The following MSH3 variants were observed in gnomAD, a reference collection of about 807,000 sequenced individuals.
The protein encoded by MSH3 is mutS homolog 3, also known as DNA mismatch repair protein Msh3.
A neutral mutation model predicts 123.3 loss-of-function variants in MSH3; 106 were observed. That is an observed-to-expected ratio of 0.86 (90% CI 0.73 to 1.01). MSH3 has a LOEUF of 1.01. Among genes scored for constraint, MSH3 ranks in the 50% least tolerant of loss-of-function variants. The pLI, the probability that MSH3 is intolerant of heterozygous loss-of-function variation, is 0.00. For missense variants in MSH3, 1,459 were observed against 1,347.6 expected (o/e 1.08, Z -1.29); for synonymous variants, 515 against 481.4 (o/e 1.07, Z -0.91).
At chr5:80,869,835 T>TACATAC (rs1746176836) in intron 22 of MSH3, among the ~76,000 whole-genome samples, 1 of 37,002 alleles carries the variant, frequency 2.7e-5, no homozygotes, top group Admixed American at 3.4e-4. Context: ...CATATATACA[T>TACATAC]ATATATACAC....
chr5:80,717,150 A>G (rs6151709), intron 8 of MSH3, among the ~76,000 whole-genome samples: 52,746 of 152,078 alleles, frequency 0.35, 9,205 homozygotes, highest in Non-Finnish European at 0.37. Flanking sequence ...GGCTGTTGAG[A>G]ATAGTGCTGC....
At chr5:80,773,218 A>G (rs1744241958) in intron 15 of MSH3, among the ~76,000 whole-genome samples, 1 of 152,220 alleles carries the variant, frequency 6.6e-6, no homozygotes, top group Admixed American at 6.5e-5. Context: ...TGCCTTTAGC[A>G]TAGCTCTTTC....
chr5:80,824,313 GGCGGAGGCGC>G lies in MSH3; in HGVS notation c.2813+10573_2813+10582del, dbSNP rs1745252873. On this transcript the variant is annotated intron_variant, in intron 20 of 23. Coordinates refer to ENST00000265081, the MANE Select transcript of MSH3 (RefSeq NM_002439.5). ...CACCTCCCGGACGGGGTGGCGGCTG[GGCGGAGGCGC>G]CCCCCACCTCCCTCCCGGACGGGGC... Among the ~76,000 whole-genome samples, 4 of 152,046 alleles carry G rather than the reference GGCGGAGGCGC, an allele frequency of 2.6e-5. No individual in the cohort carries two copies. In the East Asian group the frequency reaches 7.8e-4, roughly 30 times the overall value.
intron 20 of MSH3, among the ~76,000 whole-genome samples, chr5:80,822,531 C>T (rs930260886): frequency 2.0e-5 from 3 of 152,140 alleles, no homozygotes; most frequent in Admixed American, 6.5e-5. Context: ...AACTTAGCAT[C>T]GGTTTTTGCA....
At chr5:80,784,721 CT>C (rs1744473212) in intron 17 of MSH3, among the ~76,000 whole-genome samples, 1 of 152,158 alleles carries the variant, frequency 6.6e-6, no homozygotes. Flanking sequence ...TGACTGAGGG[CT>C]GCCTGTCTGA....
intron 11 of MSH3, among the ~76,000 whole-genome samples, chr5:80,744,009 C>T (rs1743668494): frequency 1.3e-5 from 2 of 151,878 alleles, no homozygotes; most frequent in Non-Finnish European, 2.9e-5. Flanking sequence ...TTTTAAGTGG[C>T]AAAAGCAAAC....
intron 10 of MSH3, among the ~76,000 whole-genome samples, chr5:80,739,460 A>T (rs1023702818): frequency 1.3e-5 from 2 of 152,370 alleles, no homozygotes; most frequent in East Asian, 3.9e-4. Flanking sequence ...CCCTAGGAAG[A>T]TGGCAGATAT....
chr5:80,697,703 T>A (rs1750513667), intron 8 of MSH3, among the ~76,000 whole-genome samples: 1 of 152,122 alleles, frequency 6.6e-6, no homozygotes, highest in Admixed American at 6.5e-5. Context: ...GACCATTGTT[T>A]GAATGAAAAA....
chr5:80,829,124 A>C (rs1017157879), intron 20 of MSH3, among the ~76,000 whole-genome samples: 1 of 152,210 alleles, frequency 6.6e-6, no homozygotes, highest in Admixed American at 6.5e-5. Flanking sequence ...TCATCACCCA[A>C]TCACCTCTTA....
At chr5:80,660,433 C>T (rs1001636827) in intron 2 of MSH3, among the ~76,000 whole-genome samples, 2 of 152,120 alleles carry the variant, frequency 1.3e-5, no homozygotes, top group African/African-American at 4.8e-5. Context: ...CTCACTGGGT[C>T]CCTACCACAA....
At chr5:80,656,758 T>C (rs1749301294) in intron 2 of MSH3, among the ~76,000 whole-genome samples, 1 of 152,174 alleles carries the variant, frequency 6.6e-6, no homozygotes, top group Non-Finnish European at 1.5e-5. Context: ...CCCAACTTTC[T>C]CCTTTATTCC....
chr5:80,712,626 A>G (rs1387428681), intron 8 of MSH3, among the ~76,000 whole-genome samples: 2 of 152,028 alleles, frequency 1.3e-5, no homozygotes, highest in Non-Finnish European at 2.9e-5. Flanking sequence ...TCCAATCTGA[A>G]TTTAATTTTC....
intron 2 of MSH3, among the ~76,000 whole-genome samples, chr5:80,659,390 A>G (rs1345124124): frequency 6.6e-6 from 1 of 152,202 alleles, no homozygotes; most frequent in Non-Finnish European, 1.5e-5. Flanking sequence ...GCCCATTAAC[A>G]GCCACCTCCT....
chr5:80,693,610 TACAC>T (rs1300450910), intron 8 of MSH3, among the ~76,000 whole-genome samples: 1 of 129,382 alleles, frequency 7.7e-6, no homozygotes, highest in Admixed American at 8.4e-5. Context: ...CATACATATA[TACAC>T]ACACACATAT....
intron 5 of MSH3, 77 bp downstream of exon 5, chr5:80,672,437 G>A: frequency 9.2e-7 from 1 of 1,087,420 alleles, no homozygotes; most frequent in South Asian, 1.3e-5. Context: ...TTTGTAAGGT[G>A]GTAGGTAGGC....
chr5:80,820,016 G>A (rs1427168526), intron 20 of MSH3, among the ~76,000 whole-genome samples: 3 of 152,218 alleles, frequency 2.0e-5, no homozygotes, highest in Non-Finnish European at 2.9e-5. Flanking sequence ...TGCTAGAGAA[G>A]TGTATGTGTA....
chr5:80,691,910 CAT>C (rs1237724348), intron 8 of MSH3, among the ~76,000 whole-genome samples: 11 of 123,264 alleles, frequency 8.9e-5, no homozygotes, highest in South Asian at 5.1e-4. Flanking sequence ...TATAGATAAA[CAT>C]GTATATGTTT....
chr5:80,757,187 G>A (rs572849301), intron 12 of MSH3, among the ~76,000 whole-genome samples: 1 of 151,842 alleles, frequency 6.6e-6, no homozygotes, highest in Non-Finnish European at 1.5e-5. Context: ...CAGGGTAAAT[G>A]GGGTATCCAT....
intron 20 of MSH3, among the ~76,000 whole-genome samples, chr5:80,814,130 AAAAAAAAAAAAAC>A (rs1561486896): frequency 3.2e-4 from 1 of 3,088 alleles, no homozygotes; most frequent in Non-Finnish European, 5.1e-4. Context: ...TGTCTCAAAG[AAAAAAAAAAAAAC>A]AAAAACAAAA....
Sources: gnomAD v4.1 joint callset for allele counts (sites outside exome capture counted in the v4.1 genomes callset) on GRCh38, gnomAD v4.1.1 for gene constraint, MANE v1.5 for transcripts, NCBI Gene and HGNC (gene_info 2026-07-23, HGNC 2026-07-21) for gene names.